Variants in NCALD observed in about 807,000 individuals in gnomAD.
The protein encoded by NCALD is neurocalcin delta, also known as neurocalcin-delta.
Under a neutral mutation model 18.6 loss-of-function variants are expected in NCALD, and 10 were observed. The ratio of observed to expected loss-of-function variants is 0.54; its 90% CI spans 0.33 to 0.91. The LOEUF (loss-of-function observed/expected upper bound fraction) is 0.91, where lower values mean the gene tolerates loss of function less well. NCALD is among the 40% of genes least tolerant of loss of function. The pLI is 0.03. For missense variants in NCALD, 184 were observed against 247.6 expected, an observed-to-expected ratio of 0.74 and a Z score of 1.72; for synonymous variants, 88 against 87.4, an observed-to-expected ratio of 1.01 and a Z score of -0.04.
intron 2 of NCALD, among the ~76,000 whole-genome samples, chr8:102,019,009 G>T (rs1822183814): frequency 1.3e-5 from 2 of 151,864 alleles, no homozygotes; most frequent in Non-Finnish European, 2.9e-5. Context: ...ATCCTACCAA[G>T]GATATATCTA....
chr8:102,043,368 C>T (rs962183374), intron 1 of NCALD, among the ~76,000 whole-genome samples: 1 of 151,682 alleles, frequency 6.6e-6, no homozygotes, highest in African/African-American at 2.4e-5. Flanking sequence ...TTCCTGCTGC[C>T]TTCTGTAATT....
Position 101,719,623 on chromosome 8 carries a change from T to G in NCALD, c.7A>C (p.Lys3Gln), listed in dbSNP as rs1283221622. The change falls in exon 2 of 4, where the codon AAA becomes CAA. Residue 3 changes from lysine to glutamine, a missense_variant. Physicochemically the swap from Lys to Gln is moderately conservative, Grantham distance 53 (BLOSUM62 1). Transcript: ENST00000220931. MG[K>Q]QNSKLRPEVM... is the part of the protein sequence containing the mutation. ...TCCGGGCGCAGCTTGCTGTTCTGTTTCCCCATCCTGGCGGCAAGAATTCAG... is the reference window on the plus strand; with the variant it reads ...TCCGGGCGCAGCTTGCTGTTCTGTTGCCCCATCCTGGCGGCAAGAATTCAG... The G allele has an allele frequency of 6.4e-7, 1 of 1,567,770 alleles. No individual in the cohort carries two copies.
At chr8:101,779,927 A>C (rs1008756065) in intron 1 of NCALD, 2 of 152,150 alleles carry the variant, frequency 1.3e-5, no homozygotes, top group African/African-American at 4.8e-5. Flanking sequence ...CTCTTACTTC[A>C]AACAGCTGTG....
rs923464831 is a variant in NCALD at position 101,820,658 on chromosome 8, C to T, written c.-20+66483G>A. On this transcript the variant is annotated intron_variant, in intron 4 of 6. Coordinates refer to the NCALD transcript ENST00000311028. Reference sequence around the variant, plus strand: ...ATGTGCCCTGTTAAGGAAAGAATCCCTGCTGTAGATGGGATAGGCTGTAAA... The same window carrying T: ...ATGTGCCCTGTTAAGGAAAGAATCCTTGCTGTAGATGGGATAGGCTGTAAA... 5.3e-5 allele frequency among the ~76,000 whole-genome samples: 8 copies of T among 152,132 alleles called. No homozygotes were observed. In the South Asian group the frequency reaches 1.5e-3, roughly 28 times the overall value.
At chr8:101,882,686 A>T (rs986002147) in intron 4 of NCALD, among the ~76,000 whole-genome samples, 1 of 152,250 alleles carries the variant, frequency 6.6e-6, no homozygotes, top group African/African-American at 2.4e-5. Flanking sequence ...CTTTGATATA[A>T]TGAATTACTT....
chr8:101,784,028 A>C (rs911093914), intron 1 of NCALD, among the ~76,000 whole-genome samples: 1 of 152,036 alleles, frequency 6.6e-6, no homozygotes, highest in African/African-American at 2.4e-5. Context: ...TTACCCCCCC[A>C]CACCCCAAAT....
chr8:102,070,516 C>T (rs1824148110), intron 1 of NCALD, among the ~76,000 whole-genome samples: 1 of 152,116 alleles, frequency 6.6e-6, no homozygotes, highest in Non-Finnish European at 1.5e-5. Context: ...AAAAACCAGA[C>T]AGCAATCCCT....
chr8:101,801,461 G>A (rs113436491), intron 4 of NCALD, among the ~76,000 whole-genome samples: 5 of 151,540 alleles, frequency 3.3e-5, no homozygotes, highest in African/African-American at 9.7e-5. Flanking sequence ...TGGGCCACAA[G>A]TAAGGTCTTG....
chr8:101,778,585 T>C (rs967265874), intron 1 of NCALD, among the ~76,000 whole-genome samples: 2 of 151,870 alleles, frequency 1.3e-5, no homozygotes, highest in Non-Finnish European at 2.9e-5. Flanking sequence ...GTCTGAATAA[T>C]TGAAATGAAA....
At chr8:102,114,036 G>A (rs12542813) in intron 1 of NCALD, among the ~76,000 whole-genome samples, 9,415 of 152,282 alleles carry the variant, frequency 0.062, 324 homozygotes, top group South Asian at 0.094. Flanking sequence ...AATGCTTCTC[G>A]AGCACTTCCT....
rs796915177 is a variant in NCALD at position 101,976,804 on chromosome 8, G to A, written c.-157+43433C>T. 6.3e-4 allele frequency among the ~76,000 whole-genome samples: 96 copies of A among 152,244 alleles called. 1 individual carries two copies. Among genetic ancestry groups the A allele is most frequent in the African/African-American group, 2.1e-3 (89 of 41,530 alleles). On this transcript the variant is annotated intron_variant, in intron 2 of 6. Transcript: ENST00000311028. ...CTGCCCTCATGGACATTACAGTCTA[G>A]CAAAGAAGGGAAATACTTAAAAATG...
At chr8:101,764,348 A>G (rs1811255604) in intron 1 of NCALD, among the ~76,000 whole-genome samples, 1 of 152,178 alleles carries the variant, frequency 6.6e-6, no homozygotes, top group Non-Finnish European at 1.5e-5. Context: ...TGTCATGACC[A>G]AGGGGAGTAT....
At chr8:101,965,614 T>A (rs554375076) in intron 2 of NCALD, among the ~76,000 whole-genome samples, 1 of 151,816 alleles carries the variant, frequency 6.6e-6, no homozygotes, top group South Asian at 2.1e-4. Flanking sequence ...GGACCTGTTG[T>A]GGGGTGGGGG....
At chr8:101,788,821 C>T (rs1315308131) in intron 1 of NCALD, 4 of 152,156 alleles carry the variant, frequency 2.6e-5, no homozygotes, top group Non-Finnish European at 5.9e-5. Context: ...ACAAACATGA[C>T]CTTGAAATCA....
chr8:101,858,519 C>A (rs1455452297), intron 4 of NCALD, among the ~76,000 whole-genome samples: 5 of 152,178 alleles, frequency 3.3e-5, no homozygotes, highest in Non-Finnish European at 4.4e-5. Context: ...TCACAAAAGA[C>A]TGAACCGGAG....
In NCALD at chr8:102,084,727, A is replaced by G. The variant is rs184608043; in HGVS notation, c.-210+39510T>C. 2.6e-5 allele frequency among the ~76,000 whole-genome samples: 4 copies of G among 152,302 alleles called. No individual in the cohort carries two copies. The East Asian group carries it at 5.8e-4, about 22-fold the overall frequency. On this transcript the variant is annotated intron_variant, in intron 1 of 6. Transcript: ENST00000311028. Reference sequence around the variant, plus strand: ...ACTCCACCATTTGGCCTCTTAGTCCACAAGCTTGAACCCGCCCAACTCCGG... The same window carrying G: ...ACTCCACCATTTGGCCTCTTAGTCCGCAAGCTTGAACCCGCCCAACTCCGG...
At chr8:101,798,789 A>T (rs1812733706) in intron 4 of NCALD, among the ~76,000 whole-genome samples, 1 of 152,258 alleles carries the variant, frequency 6.6e-6, no homozygotes, top group Admixed American at 6.5e-5. Context: ...AGACTGTGGG[A>T]TACTGGCATA....
chr8:101,692,939 T>C (rs1814801011), intron 2 of NCALD, 43 bp from the exon 3 acceptor site: 1 of 1,407,320 alleles, frequency 7.1e-7, no homozygotes, highest in Non-Finnish European at 1.0e-6. Flanking sequence ...AAAAACAGTA[T>C]GGCACACAAT....
chr8:102,046,337 A>T (rs1297745505), intron 1 of NCALD, among the ~76,000 whole-genome samples: 1 of 152,210 alleles, frequency 6.6e-6, no homozygotes. Flanking sequence ...ATTCATGCTC[A>T]TGTATGTACT....
Sources: allele counts gnomAD v4.1 joint callset (sites outside exome capture counted in the v4.1 genomes callset), GRCh38; gene constraint gnomAD v4.1.1; transcripts MANE v1.5; gene names NCBI Gene and HGNC (gene_info 2026-07-23, HGNC 2026-07-21).